NRG1: variants seen among roughly 807,000 people sequenced by gnomAD.
The protein encoded by NRG1 is pro-neuregulin-1, membrane-bound isoform.
NRG1 carries 18 observed loss-of-function variants against 63.8 expected under a neutral mutation model. That is an observed-to-expected ratio of 0.28 (90% confidence interval 0.19 to 0.42). The LOEUF is 0.42. Among genes scored for constraint, NRG1 ranks in the 10% least tolerant of loss-of-function variants. The pLI is 1.00. For missense variants in NRG1, 762 were observed against 814.7 expected, an observed-to-expected ratio of 0.94 and a Z score of 0.79; for synonymous variants, 302 against 301.3, an observed-to-expected ratio of 1.00 and a Z score of -0.02.
chr8:31,666,613 G>T (rs1806569364), intron 1 of NRG1, among the ~76,000 whole-genome samples: 1 of 152,196 alleles, frequency 6.6e-6, no homozygotes, highest in Non-Finnish European at 1.5e-5. Flanking sequence ...ATGGTTGGCT[G>T]TTGGGAAAAT....
chr8:32,253,868 C>CA (rs1234304261), intron 1 of NRG1, among the ~76,000 whole-genome samples: 1 of 152,114 alleles, frequency 6.6e-6, no homozygotes, highest in Non-Finnish European at 1.5e-5. Flanking sequence ...AATTTCAGAA[C>CA]TTGTTATTGG....
intron 1 of NRG1, among the ~76,000 whole-genome samples, chr8:32,533,839 G>A (rs1423412757): frequency 6.6e-6 from 1 of 152,074 alleles, no homozygotes; most frequent in African/African-American, 2.4e-5. Flanking sequence ...CAAAAATGCA[G>A]ATAGCGCTTT....
At chr8:32,638,653 A>G (rs1851777122) in intron 5 of NRG1, among the ~76,000 whole-genome samples, 1 of 152,206 alleles carries the variant, frequency 6.6e-6, no homozygotes, top group Non-Finnish European at 1.5e-5. Flanking sequence ...ATTCTTAAAC[A>G]AATCTGACTC....
intron 1 of NRG1, chr8:32,442,450 T>G (rs1038132940): frequency 2.0e-5 from 3 of 152,216 alleles, no homozygotes; most frequent in Non-Finnish European, 4.4e-5. Context: ...GCTCTGTTGT[T>G]GCTTATTTCC....
chr8:31,922,199 T>C (rs1369222801), intron 1 of NRG1, among the ~76,000 whole-genome samples: 3 of 152,182 alleles, frequency 2.0e-5, no homozygotes, highest in African/African-American at 7.2e-5. Context: ...TATAACCACC[T>C]TGTTATCGCA....
intron 7 of NRG1, among the ~76,000 whole-genome samples, chr8:32,745,680 G>C (rs1827297214): frequency 6.6e-6 from 1 of 152,010 alleles, no homozygotes; most frequent in South Asian, 2.1e-4. Flanking sequence ...TGGGGGGTGT[G>C]TGTGTGTTCG....
In NRG1 at chr8:32,555,693, C is replaced by G. The variant is rs375921062; in HGVS notation, c.100+6867C>G. Among the ~76,000 whole-genome samples the G allele has an allele frequency of 7.6e-4, 115 of 152,202 alleles. 1 individual carries two copies. Among genetic ancestry groups the G allele is most frequent in the Admixed American group, 1.9e-3 (29 of 15,296 alleles). On this transcript the variant is annotated intron_variant, in intron 1 of 11. Transcript: ENST00000356819. ...TCACCGTGTTAGCCAGGATGGTCTC[C>G]ATCTCCTGACCTCGTGATCCGCCCG...
exon 1 of NRG1, chr8:32,548,319 TG>T (rs1833352865): frequency 1.0e-6 from 1 of 995,620 alleles, no homozygotes. Context: ...CGAAACTTGT[TG>T]GAACTCCGGG....
intron 1 of NRG1, among the ~76,000 whole-genome samples, chr8:32,407,090 C>A (rs1313913399): frequency 6.6e-6 from 1 of 151,660 alleles, no homozygotes; most frequent in African/African-American, 2.4e-5. Context: ...GTTTCCTCAT[C>A]TGTAATATTA....
chr8:31,692,717 T>C (rs750338859), intron 1 of NRG1, among the ~76,000 whole-genome samples: 2 of 152,186 alleles, frequency 1.3e-5, no homozygotes, highest in Non-Finnish European at 2.9e-5. Flanking sequence ...GTTCACATAC[T>C]TCACGAAGTA....
intron 1 of NRG1, among the ~76,000 whole-genome samples, chr8:31,886,019 T>A (rs989320416): frequency 6.6e-6 from 1 of 152,106 alleles, no homozygotes; most frequent in African/African-American, 2.4e-5. Context: ...TTTTCATTAG[T>A]AAATATGATT....
chr8:32,389,188 G>A (rs973828519), intron 1 of NRG1, among the ~76,000 whole-genome samples: 5 of 152,232 alleles, frequency 3.3e-5, no homozygotes, highest in East Asian at 3.9e-4. Context: ...GGGGAGCTGC[G>A]AAGAAACGTA....
intron 1 of NRG1, among the ~76,000 whole-genome samples, chr8:31,944,905 C>T (rs542390518): frequency 1.3e-5 from 2 of 152,196 alleles, no homozygotes; most frequent in East Asian, 3.9e-4. Flanking sequence ...AATCATCAAC[C>T]GCATTTCCCA....
At chr8:31,695,528 A>T (rs1187322739) in intron 1 of NRG1, among the ~76,000 whole-genome samples, 1 of 152,192 alleles carries the variant, frequency 6.6e-6, no homozygotes, top group African/African-American at 2.4e-5. Context: ...CACTATCACA[A>T]GAACAACAAG....
intron 5 of NRG1, among the ~76,000 whole-genome samples, chr8:32,645,723 CA>C (rs1478556936): frequency 6.6e-6 from 1 of 152,112 alleles, no homozygotes; most frequent in African/African-American, 2.4e-5. Flanking sequence ...CATAAGTGAA[CA>C]AAATGGTTCC....
chr8:32,212,053 A>G (rs1844756307), intron 1 of NRG1, among the ~76,000 whole-genome samples: 1 of 152,084 alleles, frequency 6.6e-6, no homozygotes, highest in Non-Finnish European at 1.5e-5. Context: ...CTTTCTTCCT[A>G]CATTTGAATT....
chr8:32,671,250 C>T (rs1400344869), intron 5 of NRG1, among the ~76,000 whole-genome samples: 3 of 152,002 alleles, frequency 2.0e-5, no homozygotes, highest in Non-Finnish European at 2.9e-5. Flanking sequence ...TGCTTTTCCT[C>T]ACCTCTTCCT....
intron 5 of NRG1, among the ~76,000 whole-genome samples, chr8:32,685,724 GA>G (rs1200912938): frequency 6.6e-6 from 1 of 152,162 alleles, no homozygotes; most frequent in Admixed American, 6.5e-5. Flanking sequence ...CATAAGAGTA[GA>G]GGAAAATGTG....
chr8:32,508,658 G>A (rs1828827195), intron 1 of NRG1, among the ~76,000 whole-genome samples: 1 of 152,086 alleles, frequency 6.6e-6, no homozygotes. Context: ...ATTCTGATAT[G>A]TAGAATTATT....
Sources: gnomAD v4.1 joint callset for allele counts (sites outside exome capture counted in the v4.1 genomes callset) on GRCh38, gnomAD v4.1.1 for gene constraint, MANE v1.5 for transcripts, NCBI Gene and HGNC (gene_info 2026-07-23, HGNC 2026-07-21) for gene names.